Variants in CDH18 observed in about 807,000 individuals in gnomAD.
CDH18 encodes the protein cadherin 18.
Under a neutral mutation model 67.9 loss-of-function variants are expected in CDH18, and 31 were observed. That is an observed-to-expected ratio of 0.46 (90% CI 0.34 to 0.62). The LOEUF is 0.62. Ranked by LOEUF, CDH18 falls within the 20% of genes least tolerant of loss-of-function variation. The probability of loss-of-function intolerance (pLI) is 0.01; values close to 1 mark genes in which losing one functional copy is unlikely to be tolerated. For missense variants in CDH18, 890 were observed against 975.5 expected, an observed-to-expected ratio of 0.91 and a Z score of 1.17; for synonymous variants, 362 against 347.2, an observed-to-expected ratio of 1.04 and a Z score of -0.48.
intron 5 of CDH18, among the ~76,000 whole-genome samples, chr5:19,703,371 C>A (rs979993435): frequency 5.3e-5 from 8 of 152,140 alleles, no homozygotes; most frequent in Non-Finnish European, 8.8e-5. Flanking sequence ...CTGGTTCATT[C>A]CACTTTGGAA....
At position 19,536,526 on chromosome 5, in the gene CDH18, T is replaced by C. The variant is rs139914702; in HGVS notation, c.1390+7343A>G. On this transcript the variant is annotated intron_variant, in intron 9 of 12. Coordinates refer to ENST00000382275, the MANE Select transcript of CDH18 (RefSeq NM_004934.5). ...ATTGATACACGTGGAGTTTATTTCT[T>C]AGACAATCAGGAAATGTGTACGTAT... 4.6e-5 allele frequency among the ~76,000 whole-genome samples: 7 copies of C among 152,336 alleles called. No homozygotes were observed. In the East Asian group the frequency reaches 1.4e-3, roughly 29 times the overall value.
intron 2 of CDH18, among the ~76,000 whole-genome samples, chr5:19,997,150 A>G (rs1736082198): frequency 6.6e-6 from 1 of 152,122 alleles, no homozygotes; most frequent in South Asian, 2.1e-4. Context: ...TTTAAATAAT[A>G]AAGACACCTA....
rs116144750 is a variant in CDH18 at position 19,765,793 on chromosome 5, T to C, written c.229-18557A>G. On this transcript the variant is annotated intron_variant, in intron 3 of 12. Coordinates refer to ENST00000382275, the MANE Select transcript of CDH18 (RefSeq NM_004934.5). Reference sequence around the variant, plus strand: ...GTTGAGCCCATATAACTCTCCACATTGAAATAAAAATCCTGCAAAGTCTGC... The same window carrying C: ...GTTGAGCCCATATAACTCTCCACATCGAAATAAAAATCCTGCAAAGTCTGC... Among the ~76,000 whole-genome samples the C allele has an allele frequency of 9.0e-3, 1,368 of 152,232 alleles. 20 individuals carry two copies. The highest frequency in any genetic ancestry group is 0.031 in the African/African-American group (1,279 of 41,544).
intron 2 of CDH18, among the ~76,000 whole-genome samples, chr5:20,024,504 T>C (rs891998446): frequency 2.0e-5 from 3 of 152,056 alleles, no homozygotes; most frequent in African/African-American, 7.2e-5. Context: ...TATAGAAACA[T>C]GTTGGCCAGT....
intron 2 of CDH18, among the ~76,000 whole-genome samples, chr5:20,172,698 A>G (rs1043887098): frequency 1.3e-4 from 20 of 152,096 alleles, no homozygotes; most frequent in African/African-American, 4.8e-4. Flanking sequence ...TCTTAAAGGA[A>G]TATCCATTGT....
At chr5:19,764,055 C>G (rs1359668254) in intron 3 of CDH18, among the ~76,000 whole-genome samples, 3 of 146,710 alleles carry the variant, frequency 2.0e-5, no homozygotes, top group Non-Finnish European at 4.5e-5. Flanking sequence ...GTAATCCCAG[C>G]TACTTGGGAG....
intron 2 of CDH18, among the ~76,000 whole-genome samples, chr5:20,021,548 T>C (rs574038325): frequency 3.3e-5 from 5 of 152,292 alleles, no homozygotes; most frequent in African/African-American, 1.2e-4. Context: ...CCATGAGAAC[T>C]GGTTGTTTAA....
chr5:20,323,144 G>C (rs76903003), intron 1 of CDH18, among the ~76,000 whole-genome samples: 91 of 152,202 alleles, frequency 6.0e-4, no homozygotes, highest in East Asian at 3.5e-3. Flanking sequence ...TAAGCAGGAA[G>C]AAAATTAACA....
Position 20,309,883 on chromosome 5 carries a change from C to A in CDH18, c.-579-54378G>T, listed in dbSNP as rs1320213840. 2.0e-5 allele frequency among the ~76,000 whole-genome samples: 3 copies of A among 152,106 alleles called. No homozygotes were observed. The South Asian group carries it at 6.2e-4, about 31-fold the overall frequency. On this transcript the variant is annotated intron_variant, in intron 1 of 14. Transcript: ENST00000507958. ...AGTTCTGTCTCTATACTTTTTGTAT[C>A]TTTACTTTCATTTTCAGAAAAAAAT...
chr5:20,304,490 G>T (rs745779664), intron 1 of CDH18: 152 of 1,589,628 alleles, frequency 9.6e-5, no homozygotes, highest in Non-Finnish European at 1.2e-4. Context: ...GCCCTCCAAT[G>T]GTTTAGTGCG....
intron 3 of CDH18, among the ~76,000 whole-genome samples, chr5:19,786,743 C>A (rs1350677823): frequency 2.6e-5 from 4 of 152,094 alleles, no homozygotes; most frequent in Non-Finnish European, 5.9e-5. Flanking sequence ...TTAATGTGCA[C>A]CTAGAGAAAA....
At chr5:20,513,435 A>AG (rs2126493089) in intron 1 of CDH18, among the ~76,000 whole-genome samples, 1 of 152,288 alleles carries the variant, frequency 6.6e-6, no homozygotes, top group South Asian at 2.1e-4. Flanking sequence ...ACTCATCTAT[A>AG]TTTCCCCTGG....
At chr5:20,443,225 A>C (rs1749762004) in intron 1 of CDH18, among the ~76,000 whole-genome samples, 1 of 149,740 alleles carries the variant, frequency 6.7e-6, no homozygotes, top group Non-Finnish European at 1.5e-5. Flanking sequence ...AAAAAAAAAA[A>C]AAAAAAGTAT....
intron 2 of CDH18, among the ~76,000 whole-genome samples, chr5:20,232,167 AT>A (rs1214513353): frequency 6.6e-6 from 1 of 151,380 alleles, no homozygotes; most frequent in East Asian, 1.9e-4. Context: ...TAGGGTTTCT[AT>A]TTATTTTTTT....
intron 5 of CDH18, among the ~76,000 whole-genome samples, chr5:19,654,070 CA>C (rs1755970149): frequency 1.3e-5 from 2 of 152,140 alleles, no homozygotes; most frequent in South Asian, 4.1e-4. Flanking sequence ...GGAAGTACAA[CA>C]AGGCATTATT....
intron 3 of CDH18, among the ~76,000 whole-genome samples, chr5:19,763,657 C>T (rs967879600): frequency 1.3e-5 from 2 of 152,002 alleles, no homozygotes; most frequent in Non-Finnish European, 2.9e-5. Context: ...AACATTGACA[C>T]AAAGTTGGCA....
At chr5:19,478,758 T>A (rs926444637) in intron 12 of CDH18, 1 of 152,128 alleles carries the variant, frequency 6.6e-6, no homozygotes, top group African/African-American at 2.4e-5. Context: ...TGCCAACTAC[T>A]CTAGTCCCTC....
At chr5:19,635,578 T>C (rs1043134141) in intron 5 of CDH18, among the ~76,000 whole-genome samples, 2 of 151,984 alleles carry the variant, frequency 1.3e-5, no homozygotes, top group Non-Finnish European at 2.9e-5. Context: ...TAGGGAAAAA[T>C]GATTAATAAG....
intron 5 of CDH18, among the ~76,000 whole-genome samples, chr5:19,694,497 C>T (rs1312733427): frequency 2.0e-5 from 3 of 152,160 alleles, no homozygotes; most frequent in Non-Finnish European, 4.4e-5. Flanking sequence ...TTAAATCACA[C>T]TTACGAAGCT....
Sources: gnomAD v4.1 joint callset for allele counts (sites outside exome capture counted in the v4.1 genomes callset) on GRCh38, gnomAD v4.1.1 for gene constraint, MANE v1.5 for transcripts, NCBI Gene and HGNC (gene_info 2026-07-23, HGNC 2026-07-21) for gene names.